The following FANCM variants were observed in gnomAD, a reference collection of about 807,000 sequenced individuals.
The protein encoded by FANCM is Fanconi anemia group M protein.
FANCM carries 140 observed loss-of-function variants against 199.5 expected under a neutral mutation model. The ratio of observed to expected loss-of-function variants is 0.70; its 90% confidence interval spans 0.61 to 0.81. The LOEUF is 0.81. FANCM is among the 30% of genes least tolerant of loss of function. The pLI, the probability that FANCM is intolerant of heterozygous loss-of-function variation, is 0.00. For synonymous variants in FANCM, 840 were observed against 836.8 expected (o/e 1.00, Z -0.07); for missense variants, 2,410 against 2,421.4 (o/e 1.00, Z 0.10).
At chr14:45,196,717 A>G (rs2139321476) in intron 21 of FANCM, among the ~76,000 whole-genome samples, 170 bp downstream of exon 21, 1 of 152,336 alleles carries the variant, frequency 6.6e-6, no homozygotes, top group African/African-American at 2.4e-5. Flanking sequence ...TAGTCATTGT[A>G]TTTAAATGCA....
At chr14:45,146,240 G>GAAAA (rs143430263) in intron 3 of FANCM, among the ~76,000 whole-genome samples, 18 of 93,152 alleles carry the variant, frequency 1.9e-4, no homozygotes, top group Admixed American at 2.8e-4. Context: ...GACTCCGTCT[G>GAAAA]AAAAAAAAAA....
intron 17 of FANCM, 136 bp from the exon 18 acceptor site, chr14:45,185,081 C>G: frequency 3.0e-6 from 2 of 675,068 alleles, no homozygotes; most frequent in Non-Finnish European, 5.2e-6. Flanking sequence ...TGCACTGGGC[C>G]TAGAAATTTT....
chr14:45,143,893 C>T (rs1886164458), intron 3 of FANCM, among the ~76,000 whole-genome samples: 1 of 151,644 alleles, frequency 6.6e-6, no homozygotes. Context: ...GGGGTTTCAC[C>T]ATGTTGGTCA....
At chr14:45,180,834 C>G (rs972078247) in intron 14 of FANCM, 2 of 153,854 alleles carry the variant, frequency 1.3e-5, no homozygotes, top group Non-Finnish European at 2.9e-5. Context: ...GACCTAGACT[C>G]ATAAGTCATA....
chr14:45,162,605 G>T (rs912879904), intron 9 of FANCM, among the ~76,000 whole-genome samples: 7 of 152,070 alleles, frequency 4.6e-5, no homozygotes, highest in Non-Finnish European at 7.4e-5. Flanking sequence ...TTTTGGACAG[G>T]CACCAGTAAT....
chr14:45,175,347 C>G lies in FANCM; in HGVS notation c.2593C>G (p.Gln865Glu), dbSNP rs776830147. ...KKVSKEIKKD[Q>E]LKKENNHGII... ...AGTGTCTAAAGAAATAAAAAAAGATCAGCTTAAAAAAGAAAATAATCACGG... is the reference window on the plus strand; with the variant it reads ...AGTGTCTAAAGAAATAAAAAAAGATGAGCTTAAAAAAGAAAATAATCACGG... The change falls in exon 14 of 23, where the codon CAG (glutamine) becomes GAG (glutamate). Residue 865 changes from glutamine to glutamate, a missense_variant. By Grantham distance (29) the Gln-to-Glu change is conservative (BLOSUM62 2). Transcript: ENST00000267430. 1.3e-6 allele frequency: 2 copies of G among 1,556,322 alleles called. No individual in the cohort carries two copies. Among genetic ancestry groups the G allele is most frequent in the Admixed American group, 4.0e-5 (2 of 50,014 alleles).
chr14:45,188,785 T>C lies in FANCM; in HGVS notation c.4780-17T>C, dbSNP rs754233826. 1 of 1,551,004 alleles carries C rather than the reference T, an allele frequency of 6.4e-7. No individual in the cohort carries two copies. Among genetic ancestry groups the C allele is most frequent in the Non-Finnish European group, 8.9e-7 (1 of 1,124,364 alleles). On this transcript the variant is annotated splice_polypyrimidine_tract_variant and intron_variant, in intron 19 of 22. Coordinates refer to ENST00000267430, the MANE Select transcript of FANCM (RefSeq NM_020937.4). ...TGTCTGAAATAAATATAAAACATTC[T>C]TGTGTTTTTATTGTAGATTCCTGAA... is the stretch of plus-strand genomic sequence containing the variant.
chr14:45,186,682 G>T (rs1033061275), intron 18 of FANCM, among the ~76,000 whole-genome samples: 2 of 152,138 alleles, frequency 1.3e-5, no homozygotes, highest in African/African-American at 2.4e-5. Flanking sequence ...TGTTTTGCAG[G>T]TTTACAATAT....
chr14:45,160,652 C>G (rs1281399206), intron 9 of FANCM, among the ~76,000 whole-genome samples: 1 of 151,914 alleles, frequency 6.6e-6, no homozygotes, highest in Non-Finnish European at 1.5e-5. Flanking sequence ...TCACGCCATT[C>G]TCCTGTCTCA....
At chr14:45,196,661 T>G (rs1478265362) in intron 21 of FANCM, 114 bp downstream of exon 21, 10 of 973,938 alleles carry the variant, frequency 1.0e-5, no homozygotes, top group Non-Finnish European at 1.2e-5. Flanking sequence ...AACACCTGAC[T>G]GGTGAATGTC....
chr14:45,194,975 C>A (rs991523149), intron 20 of FANCM, among the ~76,000 whole-genome samples: 1 of 152,130 alleles, frequency 6.6e-6, no homozygotes, highest in Non-Finnish European at 1.5e-5. Flanking sequence ...TCTCGAACTC[C>A]TGACCTCAAG....
chr14:45,170,520 G>C, intron 11 of FANCM, 69 bp from the exon 12 acceptor site: 2 of 1,123,710 alleles, frequency 1.8e-6, no homozygotes, highest in Admixed American at 3.9e-5. Flanking sequence ...AGTTTGAATG[G>C]ATATTGTGGG....
intron 17 of FANCM, among the ~76,000 whole-genome samples, chr14:45,184,465 C>T (rs1279241416): frequency 2.6e-5 from 4 of 151,880 alleles, no homozygotes; most frequent in Non-Finnish European, 5.9e-5. Context: ...AGTTTGAGAC[C>T]AGCCTGGCCA....
In FANCM at chr14:45,140,466, A is replaced by G. The variant is rs8017844; in HGVS notation, c.682-166A>G. The stretch of plus-strand genomic sequence containing the variant: ...TGATCAGCATAGAGAATAAACCTAA[A>G]TCATTTGCTCTTCAGATAATATAAC... On this transcript the variant is annotated intron_variant, in intron 2 of 22. Transcript: ENST00000267430. 0.16 allele frequency among the ~76,000 whole-genome samples: 24,779 copies of G among 152,164 alleles called. 3,739 individuals are homozygous for G. Among genetic ancestry groups the G allele is most frequent in the African/African-American group, 0.4 (16,670 of 41,452 alleles).
chr14:45,149,673 A>C (rs536038926), intron 4 of FANCM, among the ~76,000 whole-genome samples: 2 of 152,072 alleles, frequency 1.3e-5, no homozygotes, highest in African/African-American at 2.4e-5. Context: ...CCCGGCCCCC[A>C]GAAGTTTCTT....
chr14:45,180,337 G>C (rs1185637762), intron 14 of FANCM, among the ~76,000 whole-genome samples: 1 of 152,132 alleles, frequency 6.6e-6, no homozygotes, highest in Non-Finnish European at 1.5e-5. Context: ...TGGAGGATCT[G>C]CTTTTAAGAT....
Position 45,194,718 on chromosome 14 carries a change from G to A in FANCM, c.5341-1454G>A, listed in dbSNP as rs183747035. Among the ~76,000 whole-genome samples, 19 of 151,936 alleles carry A rather than the reference G, an allele frequency of 1.3e-4. No homozygotes were observed. In the East Asian group the frequency reaches 3.5e-3, roughly 28 times the overall value. ...TGTTTGTATCCTCTTAAATGTTGCC[G>A]GTGTAACTTTGGGATTAATTTCTTG... On this transcript the variant is annotated intron_variant, in intron 20 of 22. Coordinates refer to ENST00000267430, the MANE Select transcript of FANCM (RefSeq NM_020937.4).
intron 10 of FANCM, among the ~76,000 whole-genome samples, chr14:45,166,121 A>G (rs1317062202): frequency 6.7e-6 from 1 of 149,958 alleles, no homozygotes. Flanking sequence ...CTTTGAAATG[A>G]TTTTCTTTTT....
Position 45,176,324 on chromosome 14 carries a change from C to A in FANCM, c.3570C>A (p.Leu1190=), listed in dbSNP as rs766057000. 7.4e-6 allele frequency: 12 copies of A among 1,613,746 alleles called. No individual in the cohort carries two copies. In the African/African-American group the frequency reaches 1.5e-4, roughly 20 times the overall value. Residue 1190 remains leucine, a synonymous_variant, in exon 14 of 23, where the codon CTC becomes CTA. Coordinates refer to ENST00000267430, the MANE Select transcript of FANCM (RefSeq NM_020937.4). ...TTTTGTTGGACAATAATTCTGAACT[C>A]CAAGATCAAATCACCCGTGATGCTA... The part of the protein sequence containing the change: ...DELLLDNNSE[L]QDQITRDANS...
Sources: gnomAD v4.1 joint callset for allele counts (sites outside exome capture counted in the v4.1 genomes callset) on GRCh38, gnomAD v4.1.1 for gene constraint, MANE v1.5 for transcripts, NCBI Gene and HGNC (gene_info 2026-07-23, HGNC 2026-07-21) for gene names.